CCNY: variants seen among roughly 807,000 people sequenced by gnomAD.
CCNY encodes the protein cyclin-Y.
A neutral mutation model predicts 42.8 loss-of-function variants in CCNY; 19 were observed. The observed-to-expected ratio is 0.44, with a 90% CI of 0.31 to 0.65. The LOEUF is 0.65. CCNY is among the 30% of genes least tolerant of loss of function. CCNY has a pLI of 0.07. For synonymous variants in CCNY, 165 were observed against 162.7 expected, an observed-to-expected ratio of 1.01 and a Z score of -0.11; for missense variants, 370 against 437.3, an observed-to-expected ratio of 0.85 and a Z score of 1.37.
At chr10:35,553,283 T>C in intron 8 of CCNY, 98 bp downstream of exon 8, 6 of 1,164,914 alleles carry the variant, frequency 5.2e-6, no homozygotes, top group Non-Finnish European at 7.2e-6. Flanking sequence ...TAGCGCAGAA[T>C]GCATGCATTT....
chr10:35,479,849 A>T (rs1228511175), intron 1 of CCNY, among the ~76,000 whole-genome samples: 1 of 151,976 alleles, frequency 6.6e-6, no homozygotes, highest in South Asian at 2.1e-4. Context: ...AACATTGGGG[A>T]TATCATTTTT....
At chr10:35,428,860 A>G (rs2135275293) in intron 1 of CCNY, among the ~76,000 whole-genome samples, 1 of 152,336 alleles carries the variant, frequency 6.6e-6, no homozygotes, top group South Asian at 2.1e-4. Flanking sequence ...GGAACAGTGG[A>G]GGAAGACCAA....
intron 3 of CCNY, among the ~76,000 whole-genome samples, chr10:35,321,652 T>C (rs966988391): frequency 8.5e-5 from 13 of 152,124 alleles, no homozygotes; most frequent in African/African-American, 3.1e-4. Context: ...CACTTCAGTC[T>C]GGGTGACATA....
At chr10:35,345,478 A>C (rs1295593388) in intron 1 of CCNY, among the ~76,000 whole-genome samples, 2 of 152,082 alleles carry the variant, frequency 1.3e-5, no homozygotes, top group African/African-American at 2.4e-5. Flanking sequence ...AAAAAAAAAA[A>C]AAAAACTGAC....
chr10:35,325,479 CTTTTTT>C lies in CCNY; in HGVS notation c.-9+74865_-9+74870del, dbSNP rs1207832860. Among the ~76,000 whole-genome samples the C allele has an allele frequency of 1.7e-4, 23 of 132,890 alleles. 1 individual carries two copies. The East Asian group carries it at 5.0e-3, about 29-fold the overall frequency. 87.2% of individuals were successfully genotyped at this position (132,890 alleles called of 152,430 possible). ...AGGTGTGAGCCACCAAGCACAGACC[CTTTTTT>C]TTTTTTTTTTTGAGACAGAGTTTCG... On this transcript the variant is annotated intron_variant, in intron 3 of 11. Transcript: ENST00000374706.
At chr10:35,315,310 G>A (rs1835742310) in intron 3 of CCNY, 1 of 151,994 alleles carries the variant, frequency 6.6e-6, no homozygotes, top group South Asian at 2.1e-4. Context: ...TCCCCTCTTT[G>A]TGTCCATGTG....
At chr10:35,276,530 C>T (rs989001711) in intron 3 of CCNY, among the ~76,000 whole-genome samples, 8 of 152,126 alleles carry the variant, frequency 5.3e-5, no homozygotes, top group East Asian at 1.9e-4. Flanking sequence ...GGACAACAGG[C>T]GTGCATCACC....
intron 8 of CCNY, among the ~76,000 whole-genome samples, chr10:35,565,512 C>T (rs948054494): frequency 3.9e-5 from 6 of 152,144 alleles, no homozygotes; most frequent in Non-Finnish European, 7.4e-5. Context: ...TGGACACCCT[C>T]CCCCCATAAT....
At chr10:35,494,097 C>A (rs560961907) in intron 2 of CCNY, among the ~76,000 whole-genome samples, 1 of 152,042 alleles carries the variant, frequency 6.6e-6, no homozygotes. Context: ...AAAGATAGAT[C>A]GTGGACCCCC....
intron 2 of CCNY, among the ~76,000 whole-genome samples, chr10:35,494,459 T>C (rs1178872477): frequency 6.6e-6 from 1 of 152,124 alleles, no homozygotes; most frequent in African/African-American, 2.4e-5. Flanking sequence ...TTCTGATGGA[T>C]TGACTAGTGG....
At chr10:35,298,599 T>A (rs1266142841) in intron 3 of CCNY, among the ~76,000 whole-genome samples, 1 of 152,144 alleles carries the variant, frequency 6.6e-6, no homozygotes, top group Non-Finnish European at 1.5e-5. Context: ...CACTGCAGCT[T>A]CAAACTCCTG....
chr10:35,249,915 C>T (rs944912315), intron 2 of CCNY, among the ~76,000 whole-genome samples: 2 of 152,114 alleles, frequency 1.3e-5, no homozygotes, highest in Admixed American at 1.3e-4. Context: ...CCGGGTGTGG[C>T]CGGGTGCGGT....
chr10:35,415,513 G>A (rs1198045971), intron 1 of CCNY, among the ~76,000 whole-genome samples: 2 of 152,222 alleles, frequency 1.3e-5, no homozygotes, highest in Non-Finnish European at 2.9e-5. Flanking sequence ...AGGAGATGGA[G>A]CTGGGTCCTG....
At chr10:35,261,825 A>G (rs865801525) in intron 3 of CCNY, among the ~76,000 whole-genome samples, 3 of 152,046 alleles carry the variant, frequency 2.0e-5, no homozygotes, top group Admixed American at 1.3e-4. Context: ...GTTCAAGACC[A>G]GCCTGGCCAA....
At chr10:35,247,397 C>A (rs1244347659) in intron 1 of CCNY, among the ~76,000 whole-genome samples, 2 of 151,598 alleles carry the variant, frequency 1.3e-5, no homozygotes, top group Non-Finnish European at 2.9e-5. Context: ...AGTTCAAGAA[C>A]AACATAGTGA....
intron 1 of CCNY, among the ~76,000 whole-genome samples, chr10:35,370,662 C>T (rs1416444861): frequency 6.6e-6 from 1 of 151,876 alleles, no homozygotes; most frequent in East Asian, 1.9e-4. Context: ...TTATATTTCC[C>T]TATTACAACA....
At chr10:35,286,792 T>C (rs530975651) in intron 3 of CCNY, among the ~76,000 whole-genome samples, 153 of 151,988 alleles carry the variant, frequency 1.0e-3, no homozygotes, top group African/African-American at 3.4e-3. Flanking sequence ...CCTAAGTCGC[T>C]GGAATTACAG....
rs532040018 is a variant in CCNY, at chr10:35,571,697, C to T, written c.*2527C>T. Reference sequence around the variant, plus strand: ...GTTCAAAGTTTGCCAAAAGAAAACACAAAACCAGTACAGTACTTACTGATA... The same window carrying T: ...GTTCAAAGTTTGCCAAAAGAAAACATAAAACCAGTACAGTACTTACTGATA... On this transcript the variant is annotated 3_prime_UTR_variant, in exon 10 of 10. Coordinates refer to ENST00000374704, the MANE Select transcript of CCNY (RefSeq NM_145012.6). The T allele has an allele frequency of 1.8e-4, 28 of 152,266 alleles. No homozygotes were observed. Among genetic ancestry groups the T allele is most frequent in the Non-Finnish European group, 3.5e-4 (24 of 68,012 alleles). The allele number at this position is 152,266 out of a possible 1,614,324, so 9.4% of individuals were successfully genotyped here. A position where few individuals can be genotyped will look rare whatever the true frequency, so the allele number is the denominator to read the frequency against.
At chr10:35,533,156 A>T (rs1397867904) in intron 7 of CCNY, among the ~76,000 whole-genome samples, 2 of 152,252 alleles carry the variant, frequency 1.3e-5, no homozygotes, top group East Asian at 3.9e-4. Context: ...TCTCCGTTTA[A>T]GGCCGCACAC....
Sources: allele counts gnomAD v4.1 joint callset (sites outside exome capture counted in the v4.1 genomes callset), GRCh38; gene constraint gnomAD v4.1.1; transcripts MANE v1.5; gene names NCBI Gene and HGNC (gene_info 2026-07-23, HGNC 2026-07-21).